AMDHD1: variants seen among roughly 807,000 people sequenced by gnomAD.
AMDHD1 encodes probable imidazolonepropionase.
Under a neutral mutation model 44.1 loss-of-function variants are expected in AMDHD1, and 45 were observed. That is an observed-to-expected ratio of 1.02 (90% CI 0.80 to 1.31). The LOEUF is 1.31. Among genes scored for constraint, AMDHD1 ranks in the 50% most tolerant of loss-of-function variants. The probability of loss-of-function intolerance (pLI) is 0.00; values close to 1 mark genes in which losing one functional copy is unlikely to be tolerated. For missense variants in AMDHD1, 586 were observed against 552.1 expected (o/e 1.06, Z -0.61); for synonymous variants, 206 against 205.0 (o/e 1.00, Z -0.04).
chr12:95,962,570 C>A lies in AMDHD1; in HGVS notation c.938+91C>A, dbSNP rs567126654. 3.7e-6 allele frequency: 5 copies of A among 1,367,882 alleles called. No homozygotes were observed. The Admixed American group carries it at 9.3e-5, about 26-fold the overall frequency. 84.7% of individuals were successfully genotyped at this position (1,367,882 alleles called of 1,614,324 possible). A position where few individuals can be genotyped will look rare whatever the true frequency, so the allele number is the denominator to read the frequency against. ...AGTGCCCAGACATTATTTCATTGCCCTTACAAATCCCTTAAAAATGCAGAT... is the reference window on the plus strand; with the variant it reads ...AGTGCCCAGACATTATTTCATTGCCATTACAAATCCCTTAAAAATGCAGAT... On this transcript the variant is annotated intron_variant, in intron 6 of 8. Coordinates refer to ENST00000266736, the MANE Select transcript of AMDHD1 (RefSeq NM_152435.3).
Position 95,948,539 on chromosome 12 carries a change from G to T in AMDHD1, c.138-4178G>T, listed in dbSNP as rs1404774635. Among the ~76,000 whole-genome samples the T allele has an allele frequency of 2.3e-4, 12 of 53,020 alleles. 3 individuals carry two copies. The South Asian group carries it at 6.7e-3, about 30-fold the overall frequency. The allele number at this position is 53,020 out of a possible 152,430, so 34.8% of individuals were successfully genotyped here. A position where few individuals can be genotyped will look rare whatever the true frequency, so the allele number is the denominator to read the frequency against. On this transcript the variant is annotated intron_variant, in intron 1 of 8. Transcript: ENST00000266736. The stretch of plus-strand genomic sequence containing the variant: ...CAGCTGCCCCGTCCGGGAGGGAGGT[G>T]GGGGGGGGGTCAGCCCCCACCGCCC...
chr12:95,966,598 C>A, intron 8 of AMDHD1, 90 bp downstream of exon 8: 1 of 1,463,006 alleles, frequency 6.8e-7, no homozygotes, highest in South Asian at 1.2e-5. Flanking sequence ...TTATTAGTGT[C>A]AGACTCTGTC....
intron 4 of AMDHD1, among the ~76,000 whole-genome samples, chr12:95,958,153 CTAAT>C (rs1419062142): frequency 5.9e-5 from 9 of 151,944 alleles, no homozygotes; most frequent in South Asian, 2.1e-4. Context: ...CTAAATCGAA[CTAAT>C]TAATATATGC....
chr12:95,962,936 C>T (rs1330928911), intron 6 of AMDHD1, among the ~76,000 whole-genome samples: 1 of 152,046 alleles, frequency 6.6e-6, no homozygotes, highest in Non-Finnish European at 1.5e-5. Context: ...CTTTATAAAT[C>T]CTGGGGGTGG....
chr12:95,946,498 A>G (rs1284699876), intron 1 of AMDHD1, among the ~76,000 whole-genome samples: 1 of 152,040 alleles, frequency 6.6e-6, no homozygotes, highest in East Asian at 1.9e-4. Flanking sequence ...AACAAGACAC[A>G]TGAAAAGATA....
In AMDHD1 at chr12:95,956,854, G is replaced by T. The variant is rs769824213; in HGVS notation, c.479G>T (p.Gly160Val). 6.2e-7 allele frequency: 1 copy of T among 1,614,198 alleles called. No homozygotes were observed. Among genetic ancestry groups the T allele is most frequent in the East Asian group, 2.2e-5 (1 of 44,888 alleles). Residue 160 changes from glycine to valine, a missense_variant, in exon 4 of 9, where the codon GGC becomes GTC. Physicochemically the swap from Gly to Val is moderately radical, Grantham distance 109 (BLOSUM62 -3). Transcript: ENST00000266736. ...CTGGTGGAGTGCAAGAGTGGATATG[G>T]CCTCGACCTGGAGACCGAGCTCAAG... ...TTLVECKSGY[G>V]LDLETELKML... is the part of the protein sequence containing the mutation.
At chr12:95,946,189 A>G (rs910777493) in intron 1 of AMDHD1, among the ~76,000 whole-genome samples, 4 of 152,160 alleles carry the variant, frequency 2.6e-5, no homozygotes, top group Admixed American at 6.5e-5. Context: ...TAAAACCTAG[A>G]TGAAAATGTC....
rs149618645 is a variant in AMDHD1, at chr12:95,943,640, C to A, written c.137+105C>A. ...AAACAACGCCGTGAAAGCGTCCCTG[C>A]ACAGAGATACACGGGCAAGCCAGCC... On this transcript the variant is annotated intron_variant, in intron 1 of 8. Transcript: ENST00000266736. The A allele has an allele frequency of 3.2e-5, 42 of 1,331,012 alleles. No homozygotes were observed. The Middle Eastern group carries it at 9.6e-4, about 31-fold the overall frequency. 82.5% of individuals were successfully genotyped at this position (1,331,012 alleles called of 1,614,324 possible).
intron 4 of AMDHD1, among the ~76,000 whole-genome samples, chr12:95,958,708 G>T (rs2080564692): frequency 6.6e-6 from 1 of 152,172 alleles, no homozygotes. Context: ...TTACTCATCT[G>T]TGAAACAGAG....
At chr12:95,946,051 CTCTT>C (rs1017605057) in intron 1 of AMDHD1, among the ~76,000 whole-genome samples, 2 of 123,408 alleles carry the variant, frequency 1.6e-5, no homozygotes, top group African/African-American at 3.4e-5. Flanking sequence ...AGTTCTCTCT[CTCTT>C]TCTCTCTGTG....
intron 3 of AMDHD1, among the ~76,000 whole-genome samples, chr12:95,955,786 G>A (rs2080546498): frequency 6.6e-6 from 1 of 152,182 alleles, no homozygotes; most frequent in South Asian, 2.1e-4. Flanking sequence ...CCCCAGGCCT[G>A]CATCCTTTCT....
At chr12:95,956,999 A>G in intron 4 of AMDHD1, 37 bp downstream of exon 4, 1 of 1,607,264 alleles carries the variant, frequency 6.2e-7, no homozygotes, top group Non-Finnish European at 8.5e-7. Flanking sequence ...TTTAACTCAG[A>G]GCATTGAAAA....
intron 8 of AMDHD1, 61 bp from the exon 9 acceptor site, chr12:95,967,695 A>G: frequency 7.9e-7 from 1 of 1,265,692 alleles, no homozygotes; most frequent in Non-Finnish European, 1.1e-6. Context: ...TTATTGATAA[A>G]GTAATAATTT....
At chr12:95,956,570 G>T (rs1238287715) in intron 3 of AMDHD1, 115 bp from the exon 4 acceptor site, 2 of 1,398,406 alleles carry the variant, frequency 1.4e-6, no homozygotes, top group East Asian at 2.3e-5. Context: ...ATGGGTTGGT[G>T]CCCATGCCAT....
At chr12:95,961,704 C>T (rs1248489008) in intron 5 of AMDHD1, among the ~76,000 whole-genome samples, 1 of 152,250 alleles carries the variant, frequency 6.6e-6, no homozygotes, top group African/African-American at 2.4e-5. Flanking sequence ...TCTCCCTCAC[C>T]TACCGCATTT....
chr12:95,954,906 T>G lies in AMDHD1; in HGVS notation c.245-5T>G. The G allele has an allele frequency of 1.2e-6, 2 of 1,613,936 alleles. No individual in the cohort carries two copies. Among genetic ancestry groups the G allele is most frequent in the Non-Finnish European group, 1.7e-6 (2 of 1,179,872 alleles). On this transcript the variant is annotated splice_polypyrimidine_tract_variant and splice_region_variant and intron_variant, in intron 2 of 8. Coordinates refer to ENST00000266736, the MANE Select transcript of AMDHD1 (RefSeq NM_152435.3). ...TTGTAAGATAACTTGATTTATTGAT[T>G]ATAGGTTTGGTGGATGCACACACAC...
chr12:95,958,995 C>T (rs570473178), intron 4 of AMDHD1, among the ~76,000 whole-genome samples: 5 of 151,592 alleles, frequency 3.3e-5, no homozygotes, highest in African/African-American at 7.3e-5. Context: ...GTGGAAGTTG[C>T]GGTGAGCCGA....
At chr12:95,945,081 C>G (rs960305827) in intron 1 of AMDHD1, among the ~76,000 whole-genome samples, 2 of 152,186 alleles carry the variant, frequency 1.3e-5, no homozygotes, top group East Asian at 3.9e-4. Context: ...TTGCAGTGAG[C>G]TGAGATCTCG....
intron 3 of AMDHD1, among the ~76,000 whole-genome samples, chr12:95,956,008 T>C (rs1212805366): frequency 6.6e-6 from 1 of 152,176 alleles, no homozygotes; most frequent in Admixed American, 6.5e-5. Context: ...TCAAACAAGC[T>C]GAGGGATGGA....
Sources: gnomAD v4.1 joint callset for allele counts (sites outside exome capture counted in the v4.1 genomes callset) on GRCh38, gnomAD v4.1.1 for gene constraint, MANE v1.5 for transcripts, NCBI Gene and HGNC (gene_info 2026-07-23, HGNC 2026-07-21) for gene names.